Variants in SIPA1L3 observed in about 807,000 individuals in gnomAD.
The protein encoded by SIPA1L3 is signal-induced proliferation-associated 1-like protein 3.
In SIPA1L3, 59 loss-of-function variants were observed where a neutral mutation model predicts 150.1. The observed-to-expected ratio is 0.39, with a 90% CI of 0.32 to 0.49. The LOEUF is 0.49. Among genes scored for constraint, SIPA1L3 ranks in the 20% least tolerant of loss-of-function variants. The probability of loss-of-function intolerance (pLI) is 0.86; values close to 1 mark genes in which losing one functional copy is unlikely to be tolerated. For synonymous variants in SIPA1L3, 1,070 were observed against 1,077.6 expected (o/e 0.99, Z 0.14); for missense variants, 2,211 against 2,489.5 (o/e 0.89, Z 2.38).
rs146397958 is a variant in SIPA1L3, at chr19:38,085,707, A to T, written c.1534+2608A>T. 4.3e-3 allele frequency among the ~76,000 whole-genome samples: 654 copies of T among 152,198 alleles called. 1 individual carries two copies. Among genetic ancestry groups the T allele is most frequent in the African/African-American group, 0.015 (624 of 41,544 alleles). ...GGTACCTAGATTTAAAAAATGGATC[A>T]GGCTGGCTGAGCGCATTGGCTCATG... On this transcript the variant is annotated intron_variant, in intron 3 of 21. Transcript: ENST00000222345.
chr19:37,977,648 G>A (rs1483344926), intron 1 of SIPA1L3, among the ~76,000 whole-genome samples: 1 of 137,970 alleles, frequency 7.2e-6, no homozygotes, highest in African/African-American at 2.9e-5. Flanking sequence ...GTGGGCTGCT[G>A]TCACCAGAAG....
intron 10 of SIPA1L3, among the ~76,000 whole-genome samples, chr19:38,136,956 G>A (rs1233684485): frequency 1.3e-5 from 2 of 152,182 alleles, no homozygotes; most frequent in African/African-American, 4.8e-5. Context: ...AGCTGGAGGA[G>A]GCAACTGCAT....
chr19:37,988,903 C>T (rs1424808746), intron 1 of SIPA1L3, among the ~76,000 whole-genome samples: 1 of 152,126 alleles, frequency 6.6e-6, no homozygotes, highest in Non-Finnish European at 1.5e-5. Context: ...CCACACAGTC[C>T]TCTGGCTGCT....
intron 1 of SIPA1L3, among the ~76,000 whole-genome samples, chr19:37,935,382 G>A (rs1325478596): frequency 6.6e-6 from 1 of 152,134 alleles, no homozygotes; most frequent in Non-Finnish European, 1.5e-5. Context: ...TTTTCAGGTG[G>A]CACTTTAGTT....
chr19:37,999,856 A>G lies in SIPA1L3; in HGVS notation c.-378-29233A>G, dbSNP rs898583335. Among the ~76,000 whole-genome samples, 66 of 152,164 alleles carry G rather than the reference A, an allele frequency of 4.3e-4. 1 individual carries two copies. Among genetic ancestry groups the G allele is most frequent in the Admixed American group, 3.8e-3 (58 of 15,262 alleles). On this transcript the variant is annotated intron_variant, in intron 1 of 21. Coordinates refer to ENST00000222345, the MANE Select transcript of SIPA1L3 (RefSeq NM_015073.3). ...GGGAACCTAGCCCTGAATGAAGCTTATAGTTGGTCATGATTGCCAGGGTCT... is the reference window on the plus strand; with the variant it reads ...GGGAACCTAGCCCTGAATGAAGCTTGTAGTTGGTCATGATTGCCAGGGTCT...
rs147598199 is a variant in SIPA1L3, at chr19:38,101,197, C to G, written c.2000C>G (p.Thr667Ser). The G allele has an allele frequency of 5.6e-6, 9 of 1,594,950 alleles. No individual in the cohort carries two copies. The highest frequency in any genetic ancestry group is 7.7e-6 in the Non-Finnish European group (9 of 1,171,420). ...GAGAAGGTCTGCCTGAAGGGCTTCA[C>G]CAAGTACGCTGCCCAGCTGGACGTC... ...IGEKVCLKGF[T>S]KYAAQLDVKT... Residue 667 changes from threonine (T) to serine (S), a missense_variant, in exon 6 of 22, where the codon ACC (threonine) becomes AGC (serine). Thr to Ser is a moderately conservative substitution (Grantham distance 58, BLOSUM62 1). Transcript: ENST00000222345.
At chr19:38,158,001 G>C (rs530762516) in intron 13 of SIPA1L3, among the ~76,000 whole-genome samples, 1 of 152,280 alleles carries the variant, frequency 6.6e-6, no homozygotes, top group Admixed American at 6.5e-5. Flanking sequence ...AGCACTTTCG[G>C]AGGCCAAGGC....
At chr19:38,161,209 G>T (rs1274741846) in intron 13 of SIPA1L3, among the ~76,000 whole-genome samples, 1 of 150,484 alleles carries the variant, frequency 6.6e-6, no homozygotes, top group Admixed American at 6.7e-5. Flanking sequence ...GGGCGTGGTG[G>T]CCAGTGCCTG....
At chr19:38,019,293 A>C (rs1386241648) in intron 1 of SIPA1L3, among the ~76,000 whole-genome samples, 2 of 152,172 alleles carry the variant, frequency 1.3e-5, no homozygotes, top group Non-Finnish European at 2.9e-5. Context: ...GCTTTGATGC[A>C]GGGTCCTTCT....
intron 10 of SIPA1L3, among the ~76,000 whole-genome samples, chr19:38,136,435 G>A (rs1192169957): frequency 2.0e-5 from 3 of 151,822 alleles, no homozygotes; most frequent in Admixed American, 6.6e-5. Flanking sequence ...GAAACCCGGT[G>A]TCTACTAAAA....
rs1971577442 is a variant in SIPA1L3, at chr19:38,141,342, C to T, written c.3302C>T (p.Pro1101Leu). 2 of 1,613,920 alleles carry T rather than the reference C, an allele frequency of 1.2e-6. No individual in the cohort carries two copies. The highest frequency in any genetic ancestry group is 2.7e-5 in the African/African-American group (2 of 74,904). The change falls in exon 11 of 22, where the codon CCA (proline) becomes CTA (leucine). Residue 1101 changes from proline to leucine, a missense_variant. Pro to Leu is a moderately conservative substitution (Grantham distance 98). Transcript: ENST00000222345. ...NSLPASKWAT[P>L]TTPGHAQSLS... Reference sequence around the variant, plus strand: ...CTACCAGCCTCCAAGTGGGCCACTCCAACCACTCCCGGCCATGCCCAGTCC... The same window carrying T: ...CTACCAGCCTCCAAGTGGGCCACTCTAACCACTCCCGGCCATGCCCAGTCC...
chr19:37,965,317 G>GTTTTTTTTTTTTTTT (rs566071263), intron 1 of SIPA1L3, among the ~76,000 whole-genome samples: 14 of 133,682 alleles, frequency 1.0e-4, no homozygotes, highest in African/African-American at 3.6e-4. Context: ...TATATTTCTA[G>GTTTTTTTTTTTTTTT]TTTTTTTTTT....
intron 2 of SIPA1L3, among the ~76,000 whole-genome samples, chr19:38,031,964 A>C (rs1968663496): frequency 6.6e-6 from 1 of 152,114 alleles, no homozygotes; most frequent in Admixed American, 6.5e-5. Flanking sequence ...AAACAAAACA[A>C]AAATGCTACC....
At chr19:38,007,005 C>T (rs769769527) in intron 1 of SIPA1L3, among the ~76,000 whole-genome samples, 27 of 152,168 alleles carry the variant, frequency 1.8e-4, no homozygotes, top group Non-Finnish European at 3.5e-4. Context: ...AGGGGCCTTC[C>T]GTGTCTGTGG....
intron 2 of SIPA1L3, among the ~76,000 whole-genome samples, chr19:38,045,420 T>C (rs1969032993): frequency 6.8e-6 from 1 of 147,752 alleles, no homozygotes; most frequent in Non-Finnish European, 1.5e-5. Flanking sequence ...GCCACGTAAT[T>C]TAACTGTGGC....
At position 38,082,137 on chromosome 19, in the gene SIPA1L3, G is replaced by T; in HGVS notation, c.572G>T (p.Arg191Leu). Residue 191 changes from arginine (R) to leucine (L), a missense_variant, in exon 3 of 22, where the codon CGG becomes CTG. Arg to Leu is a moderately radical substitution (Grantham distance 102). This residue lies in a region of SIPA1L3 where 587 missense variants were observed against 534.5 expected (regional missense o/e 1.10). Transcript: ENST00000222345. ...GACGCGGGGGAGCCGCGGGGGGCCC[G>T]GCACACGGGGGCGCTGCCCCTCTTC... ...AEDAGEPRGA[R>L]HTGALPLFRE... The T allele has an allele frequency of 6.2e-7, 1 of 1,605,802 alleles. No homozygotes were observed. The highest frequency in any genetic ancestry group is 8.5e-7 in the Non-Finnish European group (1 of 1,179,170).
intron 2 of SIPA1L3, among the ~76,000 whole-genome samples, chr19:38,078,300 G>T (rs1969893310): frequency 6.6e-6 from 1 of 152,162 alleles, no homozygotes; most frequent in Admixed American, 6.5e-5. Flanking sequence ...CTCTTCTGGT[G>T]CTCACTTTTT....
Position 38,182,536 on chromosome 19 carries a change from T to C in SIPA1L3, c.4226T>C (p.Val1409Ala). The change falls in exon 16 of 22, where the codon GTT becomes GCT. Residue 1409 changes from valine to alanine, a missense_variant. Around this residue, in one of 5 missense-constraint regions of SIPA1L3, gnomAD observed 806 missense variants for 870.1 expected, o/e 0.93. Coordinates refer to ENST00000222345, the MANE Select transcript of SIPA1L3 (RefSeq NM_015073.3). Reference protein sequence around the residue: ...PRQPSDMGSRVGYPAQVYKTA... With the variant: ...PRQPSDMGSRAGYPAQVYKTA... ...CTTTGCAGTGACATGGGCTCGAGGG[T>C]TGGCTACCCCGCTCAGGTTTACAAA... 1 of 1,609,784 alleles carries C rather than the reference T, an allele frequency of 6.2e-7. No homozygotes were observed. The highest frequency in any genetic ancestry group is 8.5e-7 in the Non-Finnish European group (1 of 1,177,592).
At chr19:38,094,434 A>G (rs1014405565) in intron 4 of SIPA1L3, among the ~76,000 whole-genome samples, 2 of 152,122 alleles carry the variant, frequency 1.3e-5, no homozygotes, top group Non-Finnish European at 2.9e-5. Flanking sequence ...TTTTATTTTT[A>G]GAGACAGAAT....
Sources: allele counts gnomAD v4.1 joint callset (sites outside exome capture counted in the v4.1 genomes callset), GRCh38; gene constraint gnomAD v4.1.1; regional missense constraint gnomAD v4.1.1; transcripts MANE v1.5; gene names NCBI Gene and HGNC (gene_info 2026-07-23, HGNC 2026-07-21).